Variants in DPP6 observed in about 807,000 individuals in gnomAD.
DPP6 encodes dipeptidyl peptidase like 6, also known as A-type potassium channel modulatory protein DPP6.
In DPP6, 69 loss-of-function variants were observed where a neutral mutation model predicts 122.6. The observed-to-expected ratio is 0.56, with a 90% CI of 0.46 to 0.69. The LOEUF is 0.69. Among genes scored for constraint, DPP6 ranks in the 30% least tolerant of loss-of-function variants. The pLI is 0.00. For synonymous variants in DPP6, 418 were observed against 433.1 expected (o/e 0.97, Z 0.43); for missense variants, 928 against 1,116.9 (o/e 0.83, Z 2.41).
chr7:154,867,763 G>A (rs1019767672), intron 17 of DPP6, among the ~76,000 whole-genome samples: 13 of 152,156 alleles, frequency 8.5e-5, no homozygotes, highest in South Asian at 2.1e-4. Context: ...AGCCTAAGAC[G>A]GTGGGGAGAA....
chr7:153,849,995 C>T, the DPP6 span, among the ~76,000 whole-genome samples: 1 of 152,162 alleles, frequency 6.6e-6, no homozygotes, highest in South Asian at 2.1e-4. Context: ...TATTTTGCAT[C>T]ATATTCTTGT....
At chr7:154,207,852 G>T (rs1799529380) in intron 1 of DPP6, among the ~76,000 whole-genome samples, 1 of 152,088 alleles carries the variant, frequency 6.6e-6, no homozygotes, top group African/African-American at 2.4e-5. Flanking sequence ...CTACTCGAGA[G>T]GCTGAGGCAG....
Position 154,892,706 on chromosome 7 carries a change from G to C in DPP6, c.*226G>C. 1.1e-6 allele frequency: 1 copy of C among 951,940 alleles called. No homozygotes were observed. Among genetic ancestry groups the C allele is most frequent in the Non-Finnish European group, 1.7e-6 (1 of 604,080 alleles). The allele number at this position is 951,940 out of a possible 1,614,324, so 59.0% of individuals were successfully genotyped here. A position where few individuals can be genotyped will look rare whatever the true frequency, so the allele number is the denominator to read the frequency against. On this transcript the variant is annotated 3_prime_UTR_variant, in exon 26 of 26. Coordinates refer to ENST00000377770, the MANE Select transcript of DPP6 (RefSeq NM_130797.4). ...CACCAGGGACAACGCTGTCCCCGCAGCAGCGCCTCCTCCCGGCGCCCGAGA... is the reference window on the plus strand; with the variant it reads ...CACCAGGGACAACGCTGTCCCCGCACCAGCGCCTCCTCCCGGCGCCCGAGA...
intron 3 of DPP6, among the ~76,000 whole-genome samples, chr7:154,502,273 C>T (rs926606300): frequency 6.6e-6 from 1 of 152,034 alleles, no homozygotes; most frequent in Non-Finnish European, 1.5e-5. Flanking sequence ...TGAGTTAAGA[C>T]TTTGGGGGAC....
intron 1 of DPP6, among the ~76,000 whole-genome samples, chr7:154,173,670 C>T (rs1165324694): frequency 2.6e-5 from 4 of 152,204 alleles, no homozygotes; most frequent in Non-Finnish European, 5.9e-5. Flanking sequence ...ATCTGAGGGA[C>T]TCCTCTGGAC....
intron 4 of DPP6, among the ~76,000 whole-genome samples, chr7:154,548,766 A>G (rs146088616): frequency 0.011 from 1,630 of 152,310 alleles, 51 homozygotes; most frequent in Admixed American, 0.076. Flanking sequence ...TTCAGCCTGC[A>G]TATAAAAGAA....
intron 16 of DPP6, among the ~76,000 whole-genome samples, chr7:154,850,268 ATGAG>A (rs1306325165): frequency 8.5e-5 from 13 of 152,274 alleles, no homozygotes; most frequent in Admixed American, 6.5e-4. Flanking sequence ...GCTCCCACTT[ATGAG>A]TGAGAACATA....
chr7:154,534,667 TCAA>T (rs1157894150), intron 3 of DPP6, among the ~76,000 whole-genome samples: 2 of 152,048 alleles, frequency 1.3e-5, no homozygotes, highest in African/African-American at 4.8e-5. Flanking sequence ...AAAAAGAAAT[TCAA>T]CATCTGTACA....
At chr7:154,761,677 G>A (rs1415885228) in intron 8 of DPP6, among the ~76,000 whole-genome samples, 3 of 151,844 alleles carry the variant, frequency 2.0e-5, no homozygotes, top group African/African-American at 7.2e-5. Context: ...GTGAGTAGGG[G>A]TGAGGGAGGC....
intron 1 of DPP6, among the ~76,000 whole-genome samples, chr7:154,022,246 CTCTT>C (rs1383964056): frequency 1.3e-4 from 20 of 152,278 alleles, no homozygotes; most frequent in African/African-American, 3.6e-4. Flanking sequence ...TGTCACCAGA[CTCTT>C]TCTTAACCAG....
At chr7:154,008,107 T>A (rs1443787027) in intron 1 of DPP6, among the ~76,000 whole-genome samples, 1 of 152,170 alleles carries the variant, frequency 6.6e-6, no homozygotes, top group Non-Finnish European at 1.5e-5. Context: ...GCATGAAACC[T>A]ATGCTTTTAC....
intron 1 of DPP6, among the ~76,000 whole-genome samples, chr7:154,204,920 T>C (rs1217499332): frequency 6.6e-6 from 1 of 152,196 alleles, no homozygotes; most frequent in Admixed American, 6.5e-5. Flanking sequence ...TGAATATGCA[T>C]GAGTCACTCT....
At chr7:154,735,880 G>T (rs1192000498) in intron 8 of DPP6, among the ~76,000 whole-genome samples, 1 of 152,218 alleles carries the variant, frequency 6.6e-6, no homozygotes, top group African/African-American at 2.4e-5. Context: ...AAGCCAGGCT[G>T]GCTGCCAAGG....
At chr7:154,748,119 A>G (rs1329941945) in intron 8 of DPP6, among the ~76,000 whole-genome samples, 1 of 152,164 alleles carries the variant, frequency 6.6e-6, no homozygotes, top group African/African-American at 2.4e-5. Context: ...GCAAGGAGAG[A>G]GGCAGAAGGC....
intron 1 of DPP6, among the ~76,000 whole-genome samples, chr7:154,363,061 C>T (rs1811868165): frequency 6.6e-6 from 1 of 152,172 alleles, no homozygotes; most frequent in African/African-American, 2.4e-5. Flanking sequence ...TCCTCCCCTC[C>T]ACCCATTGTT....
Position 154,052,889 on chromosome 7 carries a change from G to A in DPP6, c.69G>A (p.Glu23=). ...CGAGGTCCTTCCCCGCGCCCCCGGA[G>A]GCGAGTCACCTCCTGGGCGGCCAGG... ...NTSRSFPAPP[E]ASHLLGGQGP... Residue 23 remains glutamate, a synonymous_variant, in exon 1 of 26, where the codon GAG becomes GAA. Transcript: ENST00000377770. This position sits in a 1 kb window ranked among gnomAD's most constrained non-coding sequence, Gnocchi z 4.8. 6.5e-7 allele frequency: 1 copy of A among 1,531,012 alleles called. No homozygotes were observed. The highest frequency in any genetic ancestry group is 8.8e-7 in the Non-Finnish European group (1 of 1,139,416). 94.8% of individuals were successfully genotyped at this position (1,531,012 alleles called of 1,614,324 possible). A position where few individuals can be genotyped will look rare whatever the true frequency, so the allele number is the denominator to read the frequency against.
intron 8 of DPP6, among the ~76,000 whole-genome samples, chr7:154,742,623 G>C (rs1192565542): frequency 6.6e-6 from 1 of 152,198 alleles, no homozygotes. Flanking sequence ...TCCTGATATG[G>C]AGGAGACGCA....
At chr7:154,591,124 T>C (rs763543688) in intron 5 of DPP6, among the ~76,000 whole-genome samples, 29 of 152,150 alleles carry the variant, frequency 1.9e-4, no homozygotes, top group Non-Finnish European at 3.5e-4. Context: ...AGACCGGTGG[T>C]GCAAAGACGA....
chr7:154,584,690 AG>A (rs1832318915), intron 5 of DPP6, among the ~76,000 whole-genome samples: 1 of 152,190 alleles, frequency 6.6e-6, no homozygotes, highest in African/African-American at 2.4e-5. Flanking sequence ...TGCATGTAAG[AG>A]GTCTGTTCTG....
Sources: gnomAD v4.1 joint callset for allele counts (sites outside exome capture counted in the v4.1 genomes callset) on GRCh38, gnomAD v4.1.1 for gene constraint, Gnocchi (gnomAD v3.1) non-coding constraint, MANE v1.5 for transcripts, NCBI Gene and HGNC (gene_info 2026-07-23, HGNC 2026-07-21) for gene names.